Variants in GPC5 observed in about 807,000 individuals in gnomAD.
GPC5 encodes glypican 5, also known as glypican-5.
A neutral mutation model predicts 53.9 loss-of-function variants in GPC5; 47 were observed. That is an observed-to-expected ratio of 0.87 (90% CI 0.69 to 1.11). The LOEUF (loss-of-function observed/expected upper bound fraction) is 1.11. Among genes scored for constraint, GPC5 ranks in the 50% most tolerant of loss-of-function variants. The pLI is 0.00. For synonymous variants in GPC5, 286 were observed against 263.3 expected (o/e 1.09, Z -0.84); for missense variants, 748 against 713.1 (o/e 1.05, Z -0.56).
chr13:92,538,539 T>C (rs1398930860), intron 7 of GPC5, among the ~76,000 whole-genome samples: 1 of 148,490 alleles, frequency 6.7e-6, no homozygotes, highest in Non-Finnish European at 1.5e-5. Context: ...GGTATACATG[T>C]GCCATGGTGG....
At chr13:91,602,993 G>A (rs76581279) in intron 2 of GPC5, among the ~76,000 whole-genome samples, 317 of 152,278 alleles carry the variant, frequency 2.1e-3, no homozygotes, top group African/African-American at 7.2e-3. Context: ...TGAGGAATGA[G>A]GACTTTCTCT....
intron 6 of GPC5, among the ~76,000 whole-genome samples, chr13:92,024,411 T>G (rs1306267751): frequency 6.6e-6 from 1 of 152,170 alleles, no homozygotes; most frequent in Non-Finnish European, 1.5e-5. Context: ...TGTCCAGACC[T>G]CTCTCCCTCC....
intron 3 of GPC5, among the ~76,000 whole-genome samples, chr13:91,719,204 A>C (rs372505671): frequency 2.4e-4 from 37 of 152,350 alleles, no homozygotes; most frequent in Middle Eastern, 6.8e-3. Context: ...GTGTTCTAGA[A>C]TCTGCAGTTG....
chr13:91,624,267 G>T (rs75957206), intron 2 of GPC5, among the ~76,000 whole-genome samples: 1 of 152,198 alleles, frequency 6.6e-6, no homozygotes, highest in African/African-American at 2.4e-5. Flanking sequence ...CAAGAGTGGT[G>T]ATATTATCAG....
At chr13:92,299,977 G>A (rs754667099) in intron 7 of GPC5, among the ~76,000 whole-genome samples, 1 of 152,080 alleles carries the variant, frequency 6.6e-6, no homozygotes, top group Non-Finnish European at 1.5e-5. Flanking sequence ...TCCTTACTTT[G>A]CTCACCCCAA....
chr13:92,662,775 G>C (rs968291273), intron 7 of GPC5, among the ~76,000 whole-genome samples: 6 of 152,140 alleles, frequency 3.9e-5, no homozygotes, highest in Admixed American at 2.6e-4. Flanking sequence ...CTAAAGTTTA[G>C]TTTACACTCC....
At position 92,132,608 on chromosome 13, in the gene GPC5, T is replaced by A. The variant is rs191228776; in HGVS notation, c.1402-12222T>A. Among the ~76,000 whole-genome samples, 243 of 152,204 alleles carry A rather than the reference T, an allele frequency of 1.6e-3. 2 individuals are homozygous for A. The highest frequency in any genetic ancestry group is 5.6e-3 in the African/African-American group (231 of 41,540). On this transcript the variant is annotated intron_variant, in intron 6 of 7. Transcript: ENST00000377067. ...TATTCTTTGTGTCTCCGTATAGTCT[T>A]CCCTCTGTGCGTATTCCTCTGTGTT...
chr13:91,871,662 T>C (rs1403591229), intron 5 of GPC5, among the ~76,000 whole-genome samples: 1 of 152,150 alleles, frequency 6.6e-6, no homozygotes. Context: ...TTAATTACAT[T>C]GGTATTAGTA....
At chr13:92,415,934 G>A (rs1876270457) in intron 7 of GPC5, among the ~76,000 whole-genome samples, 1 of 152,188 alleles carries the variant, frequency 6.6e-6, no homozygotes, top group Non-Finnish European at 1.5e-5. Flanking sequence ...GATGCAGATT[G>A]AAGACATATT....
At chr13:92,550,186 C>G (rs1215280776) in intron 7 of GPC5, among the ~76,000 whole-genome samples, 1 of 151,560 alleles carries the variant, frequency 6.6e-6, no homozygotes, top group Non-Finnish European at 1.5e-5. Flanking sequence ...TTATTTGATT[C>G]CAATAATAGA....
intron 3 of GPC5, among the ~76,000 whole-genome samples, chr13:91,723,043 T>C (rs2036506583): frequency 6.6e-6 from 1 of 152,212 alleles, no homozygotes; most frequent in African/African-American, 2.4e-5. Flanking sequence ...TGGTTATAAC[T>C]TTTATATGTT....
chr13:92,407,097 T>C (rs1875827905), intron 7 of GPC5, among the ~76,000 whole-genome samples: 2 of 152,200 alleles, frequency 1.3e-5, no homozygotes, highest in Admixed American at 6.5e-5. Flanking sequence ...AATTAAACTA[T>C]TTTTCTGTGA....
At chr13:92,036,181 C>T (rs985540119) in intron 6 of GPC5, among the ~76,000 whole-genome samples, 2 of 152,172 alleles carry the variant, frequency 1.3e-5, no homozygotes, top group Admixed American at 6.5e-5. Flanking sequence ...GTTTTCTCAT[C>T]GCTGATTGCT....
intron 7 of GPC5, among the ~76,000 whole-genome samples, chr13:92,826,788 C>A (rs532605250): frequency 1.3e-5 from 2 of 152,196 alleles, no homozygotes; most frequent in South Asian, 4.1e-4. Flanking sequence ...TGAGTTTAGG[C>A]AAGTTTCATT....
chr13:91,530,021 G>A (rs1197639652), intron 2 of GPC5, among the ~76,000 whole-genome samples: 1 of 152,102 alleles, frequency 6.6e-6, no homozygotes, highest in African/African-American at 2.4e-5. Context: ...TCTTCAGATA[G>A]CCAGTGTCTC....
At position 92,740,960 on chromosome 13, in the gene GPC5, G is replaced by GTATATATATATATATATA. The variant is rs1555308306; in HGVS notation, c.1562-125311_1562-125310insATATATATATATATATAT. ...TGTATGTGTGTATATATATGTATGT[G>GTATATATATATATATATA]TATATATATATCCTGCTGTAGCATA... On this transcript the variant is annotated intron_variant, in intron 7 of 7. Transcript: ENST00000377067. 2.2e-4 allele frequency among the ~76,000 whole-genome samples: 26 copies of GTATATATATATATATATA among 117,754 alleles called. 1 individual carries two copies. The highest frequency in any genetic ancestry group is 7.2e-4 in the African/African-American group (22 of 30,454). 77.3% of individuals were successfully genotyped at this position (117,754 alleles called of 152,430 possible). A position where few individuals can be genotyped will look rare whatever the true frequency, so the allele number is the denominator to read the frequency against.
At chr13:92,758,442 A>T (rs902210304) in intron 7 of GPC5, among the ~76,000 whole-genome samples, 51 of 151,844 alleles carry the variant, frequency 3.4e-4, no homozygotes, top group Non-Finnish European at 5.3e-4. Flanking sequence ...AACCTGCACA[A>T]TGTGCACATG....
intron 7 of GPC5, among the ~76,000 whole-genome samples, chr13:92,621,850 C>T (rs1164947229): frequency 2.6e-5 from 4 of 152,046 alleles, no homozygotes; most frequent in African/African-American, 9.7e-5. Flanking sequence ...CTGCACTCTC[C>T]AGCTCAAGCC....
chr13:92,257,240 G>A (rs957170528), intron 7 of GPC5, among the ~76,000 whole-genome samples: 1 of 151,984 alleles, frequency 6.6e-6, no homozygotes, highest in Non-Finnish European at 1.5e-5. Flanking sequence ...TTTTAATCTT[G>A]AGTAATTGAA....
Sources: allele counts gnomAD v4.1 joint callset (sites outside exome capture counted in the v4.1 genomes callset), GRCh38; gene constraint gnomAD v4.1.1; transcripts MANE v1.5; gene names NCBI Gene and HGNC (gene_info 2026-07-23, HGNC 2026-07-21).